The following MYADML2 variants were observed in gnomAD, a reference collection of about 807,000 sequenced individuals.
The protein encoded by MYADML2 is myeloid-associated differentiation marker-like protein 2.
In MYADML2, 17 loss-of-function variants were observed where a neutral mutation model predicts 16.0. That is an observed-to-expected ratio of 1.06 (90% CI 0.73 to 1.60). The LOEUF (loss-of-function observed/expected upper bound fraction) is 1.60. MYADML2 is among the 40% of genes most tolerant of loss of function. The pLI, the probability that MYADML2 is intolerant of heterozygous loss-of-function variation, is 0.00. For synonymous variants in MYADML2, 210 were observed against 208.1 expected, an observed-to-expected ratio of 1.01 and a Z score of -0.08; for missense variants, 422 against 437.7, an observed-to-expected ratio of 0.96 and a Z score of 0.32.
intron 1 of MYADML2, among the ~76,000 whole-genome samples, chr17:81,946,464 T>C (rs541497984): frequency 0.028 from 4,181 of 150,906 alleles, 135 homozygotes; most frequent in African/African-American, 0.073. Flanking sequence ...CTGGCCAACG[T>C]GGTGAAACCC....
chr17:81,941,036 A>G lies in MYADML2; in HGVS notation c.706T>C (p.Phe236Leu). 1 of 1,550,430 alleles carries G rather than the reference A, an allele frequency of 6.4e-7. No individual in the cohort carries two copies. Residue 236 changes from phenylalanine (F) to leucine (L), a missense_variant, in exon 3 of 3, where the codon TTC becomes CTC. By Grantham distance (22) the Phe-to-Leu change is conservative (BLOSUM62 0). Coordinates refer to ENST00000409745, the MANE Select transcript of MYADML2 (RefSeq NM_001145113.3). ...PFDRLVVVYT[F>L]LAVLLYLSAA... ...CTGAGGTACAGGAGCACAGCCAGGAAGGTGTACACCACCACCAGCCGGTCA... is the reference window on the plus strand; with the variant it reads ...CTGAGGTACAGGAGCACAGCCAGGAGGGTGTACACCACCACCAGCCGGTCA...
intron 1 of MYADML2, among the ~76,000 whole-genome samples, chr17:81,945,192 G>A (rs958066185): frequency 6.6e-6 from 1 of 151,860 alleles, no homozygotes; most frequent in Non-Finnish European, 1.5e-5. Flanking sequence ...TTTAAGGTCA[G>A]GGGTTTGAGA....
chr17:81,941,288 G>T lies in MYADML2; in HGVS notation c.454C>A (p.Arg152=), dbSNP rs771807706. The change falls in exon 3 of 3, where the codon CGG becomes AGG. Residue 152 remains arginine (R), a synonymous_variant. Coordinates refer to ENST00000409745, the MANE Select transcript of MYADML2 (RefSeq NM_001145113.3). ...ATATAGCTGCTCACCTGGCCGGGCCGGGCCCGCGTCAGGGCCACCTCCACA... is the reference window on the plus strand; with the variant it reads ...ATATAGCTGCTCACCTGGCCGGGCCTGGCCCGCGTCAGGGCCACCTCCACA... The part of the protein sequence containing the change: ...YAVEVALTRA[R]PGQVSSYMAT... 2 of 1,549,868 alleles carry T rather than the reference G, an allele frequency of 1.3e-6. No homozygotes were observed. The highest frequency in any genetic ancestry group is 2.0e-5 in the Admixed American group (1 of 50,974).
intron 1 of MYADML2, among the ~76,000 whole-genome samples, chr17:81,943,695 G>A (rs532966273): frequency 1.3e-4 from 19 of 151,852 alleles, no homozygotes; most frequent in Admixed American, 8.5e-4. Flanking sequence ...TAGCCACCTC[G>A]CCCAGCTTTG....
chr17:81,946,382 C>T (rs1326689495), intron 1 of MYADML2, among the ~76,000 whole-genome samples: 1 of 149,052 alleles, frequency 6.7e-6, no homozygotes, highest in African/African-American at 2.5e-5. Flanking sequence ...GGCGCGGTGG[C>T]TCATGCCTGT....
Position 81,940,904 on chromosome 17 carries a change from C to T in MYADML2, c.838G>A (p.Val280Met). Residue 280 changes from valine (V) to methionine (M), a missense_variant, in exon 3 of 3, where the codon GTG becomes ATG. Physicochemically the swap from Val to Met is conservative, Grantham distance 21. Transcript: ENST00000409745. ...AGGTTGACGTAGGTGAAGATGGCCA[C>T]CACCAGCTGGCTGTCCCAGGGACAG... ...GSCPWDSQLVVAIFTYVNLLL... is the reference protein window; with the variant it reads ...GSCPWDSQLVMAIFTYVNLLL... The T allele has an allele frequency of 6.5e-7, 1 of 1,547,984 alleles. No individual in the cohort carries two copies. The highest frequency in any genetic ancestry group is 8.7e-7 in the Non-Finnish European group (1 of 1,144,856).
In MYADML2 at chr17:81,941,323, A is replaced by G; in HGVS notation, c.419T>C (p.Leu140Pro). 6.5e-7 allele frequency: 1 copy of G among 1,549,466 alleles called. No individual in the cohort carries two copies. The highest frequency in any genetic ancestry group is 1.7e-4 in the Middle Eastern group (1 of 5,970). ...AASVFAGLLF[L>P]AYAVEVALTR... The stretch of plus-strand genomic sequence containing the variant: ...CAGGGCCACCTCCACAGCGTAGGCC[A>G]GGAAGAGGAGCCCGGCGAAGACACT... The change falls in exon 3 of 3, where the codon CTG becomes CCG. Residue 140 changes from leucine to proline, a missense_variant. Transcript: ENST00000409745.
chr17:81,945,519 A>G (rs1220643421), intron 1 of MYADML2, among the ~76,000 whole-genome samples: 1 of 151,762 alleles, frequency 6.6e-6, no homozygotes, highest in East Asian at 1.9e-4. Context: ...AGCCTGGGCA[A>G]CAGAGCAAGA....
intron 1 of MYADML2, among the ~76,000 whole-genome samples, chr17:81,944,111 C>CAAAAAAAA (rs1288382701): frequency 2.0e-4 from 25 of 127,084 alleles, no homozygotes; most frequent in African/African-American, 7.4e-4. Flanking sequence ...GATTCCGTCT[C>CAAAAAAAA]AAAAAAAAAA....
intron 1 of MYADML2, among the ~76,000 whole-genome samples, chr17:81,943,614 A>G (rs1239552447): frequency 1.3e-5 from 2 of 149,138 alleles, no homozygotes; most frequent in African/African-American, 2.5e-5. Flanking sequence ...CATGTTAGCC[A>G]GGATGGTCTC....
chr17:81,940,830 C>T lies in MYADML2; in HGVS notation c.912G>A (p.Val304=). The T allele has an allele frequency of 6.7e-7, 1 of 1,503,392 alleles. No individual in the cohort carries two copies. The highest frequency in any genetic ancestry group is 8.9e-7 in the Non-Finnish European group (1 of 1,119,164). 93.1% of individuals were successfully genotyped at this position (1,503,392 alleles called of 1,614,324 possible). ...DLAYSQRIRF[V]PSL The stretch of plus-strand genomic sequence containing the variant: ...CTGCCACTGTGGGCTACAGGCTGGG[C>T]ACGAAGCGAATCCTCTGGGAGTAGG... Residue 304 remains valine (V), a synonymous_variant, in exon 3 of 3, where the codon GTG becomes GTA. Coordinates refer to ENST00000409745, the MANE Select transcript of MYADML2 (RefSeq NM_001145113.3).
intron 2 of MYADML2, 157 bp from the exon 3 acceptor site, chr17:81,942,000 C>T (rs1328757315): frequency 7.1e-6 from 3 of 419,884 alleles, no homozygotes; most frequent in Non-Finnish European, 1.3e-5. Context: ...CATCTGACCC[C>T]TGGTCCCCTG....
Position 81,941,010 on chromosome 17 carries a change from G to A in MYADML2, c.732C>T (p.Ser244=), listed in dbSNP as rs775017420. 4.5e-5 allele frequency: 70 copies of A among 1,550,540 alleles called. No individual in the cohort carries two copies. The South Asian group carries it at 6.5e-4, about 14-fold the overall frequency. ...YTFLAVLLYL[S]AAVIWPVFCF... ...AGAAGACTGGCCAGATCACGGCGGC[G>A]CTGAGGTACAGGAGCACAGCCAGGA... is the stretch of plus-strand genomic sequence containing the variant. Residue 244 remains serine, a synonymous_variant, in exon 3 of 3, where the codon AGC becomes AGT. Coordinates refer to ENST00000409745, the MANE Select transcript of MYADML2 (RefSeq NM_001145113.3).
rs2041353198 is a variant in MYADML2, at chr17:81,947,153, G to A, written c.-275C>T. On this transcript the variant is annotated 5_prime_UTR_variant, in exon 1 of 3. Coordinates refer to ENST00000409745, the MANE Select transcript of MYADML2 (RefSeq NM_001145113.3). Reference sequence around the variant, plus strand: ...TTTGTATCAGGGACTCTGGCCTTGTGGATTCTGGTGTTTTGGAGGTACTGG... The same window carrying A: ...TTTGTATCAGGGACTCTGGCCTTGTAGATTCTGGTGTTTTGGAGGTACTGG... 6.6e-6 allele frequency: 1 copy of A among 152,202 alleles called. No individual in the cohort carries two copies. The highest frequency in any genetic ancestry group is 1.5e-5 in the Non-Finnish European group (1 of 68,038). The allele number at this position is 152,202 out of a possible 1,614,324, so 9.4% of individuals were successfully genotyped here.
intron 1 of MYADML2, among the ~76,000 whole-genome samples, chr17:81,943,773 C>G (rs950812835): frequency 6.6e-6 from 1 of 152,144 alleles, no homozygotes; most frequent in South Asian, 2.1e-4. Context: ...TGAACATCTT[C>G]TGGTATATCC....
chr17:81,946,414 T>C (rs74695898), intron 1 of MYADML2, among the ~76,000 whole-genome samples: 86,488 of 150,470 alleles, frequency 0.57, 25,428 homozygotes, highest in African/African-American at 0.69. Context: ...TTTGGGAGGC[T>C]GAGGCGGGCG....
chr17:81,945,367 A>G (rs150248693), intron 1 of MYADML2, among the ~76,000 whole-genome samples: 1,696 of 152,070 alleles, frequency 0.011, 63 homozygotes, highest in East Asian at 0.067. Flanking sequence ...GTGAAACCCC[A>G]TCTCTACTAA....
intron 1 of MYADML2, among the ~76,000 whole-genome samples, chr17:81,946,442 A>T (rs919188572): frequency 1.5e-4 from 22 of 150,758 alleles, no homozygotes; most frequent in East Asian, 5.9e-4. Flanking sequence ...AGGTCAGGAG[A>T]TCGAGACCAT....
In MYADML2 at chr17:81,940,917, G is replaced by A. The variant is rs1445947004; in HGVS notation, c.825C>T (p.Asp275=). The A allele has an allele frequency of 6.5e-7, 1 of 1,548,812 alleles. No individual in the cohort carries two copies. The highest frequency in any genetic ancestry group is 1.4e-5 in the African/African-American group (1 of 73,020). Residue 275 remains aspartate (D), a synonymous_variant, in exon 3 of 3, where the codon GAC becomes GAT. Coordinates refer to ENST00000409745, the MANE Select transcript of MYADML2 (RefSeq NM_001145113.3). The part of the protein sequence containing the change: ...PNCARGSCPW[D]SQLVVAIFTY... Reference sequence around the variant, plus strand: ...TGAAGATGGCCACCACCAGCTGGCTGTCCCAGGGACAGCTGCCCCGAGCAC... The same window carrying A: ...TGAAGATGGCCACCACCAGCTGGCTATCCCAGGGACAGCTGCCCCGAGCAC...
Sources: gnomAD v4.1 joint callset for allele counts (sites outside exome capture counted in the v4.1 genomes callset) on GRCh38, gnomAD v4.1.1 for gene constraint, MANE v1.5 for transcripts, NCBI Gene and HGNC (gene_info 2026-07-23, HGNC 2026-07-21) for gene names.